Variants in ARHGAP10 observed in about 807,000 individuals in gnomAD.
ARHGAP10 encodes the protein Rho GTPase activating protein 10.
In ARHGAP10, 87 loss-of-function variants were observed where a neutral mutation model predicts 108.6. That is an observed-to-expected ratio of 0.80 (90% CI 0.67 to 0.96). ARHGAP10 has a LOEUF of 0.96. ARHGAP10 is among the 40% of genes least tolerant of loss of function. The pLI is 0.00. For missense variants in ARHGAP10, 939 were observed against 954.5 expected (o/e 0.98, Z 0.21); for synonymous variants, 347 against 341.1 (o/e 1.02, Z -0.19).
At chr4:148,032,793 C>T (rs1195728596) in intron 19 of ARHGAP10, among the ~76,000 whole-genome samples, 1 of 151,970 alleles carries the variant, frequency 6.6e-6, no homozygotes, top group Non-Finnish European at 1.5e-5. Context: ...AGCCCGAAAG[C>T]CCACTGGTGT....
chr4:147,946,028 C>T (rs1315033272), intron 14 of ARHGAP10, among the ~76,000 whole-genome samples: 1 of 152,170 alleles, frequency 6.6e-6, no homozygotes, highest in Non-Finnish European at 1.5e-5. Context: ...GGCCCTTAGT[C>T]TAAGCCACTC....
At chr4:147,966,245 C>T (rs1473791122) in intron 17 of ARHGAP10, among the ~76,000 whole-genome samples, 1 of 152,212 alleles carries the variant, frequency 6.6e-6, no homozygotes, top group Non-Finnish European at 1.5e-5. Context: ...ATACAGTTGG[C>T]TCTTTGTGAG....
At chr4:147,915,823 G>C (rs971694978) in intron 13 of ARHGAP10, among the ~76,000 whole-genome samples, 3 of 152,196 alleles carry the variant, frequency 2.0e-5, no homozygotes, top group African/African-American at 7.2e-5. Flanking sequence ...GATGAGGACA[G>C]CTGGGGGCAC....
At chr4:147,793,699 G>A (rs1180263740) in intron 1 of ARHGAP10, among the ~76,000 whole-genome samples, 2 of 152,150 alleles carry the variant, frequency 1.3e-5, no homozygotes, top group African/African-American at 4.8e-5. Flanking sequence ...ACCAAGTCAG[G>A]GAGTTAACAT....
At chr4:148,030,845 G>A (rs1168342702) in intron 19 of ARHGAP10, among the ~76,000 whole-genome samples, 1 of 151,192 alleles carries the variant, frequency 6.6e-6, no homozygotes, top group Non-Finnish European at 1.5e-5. Context: ...GCAGTACAGG[G>A]TCACCTTTAG....
intron 15 of ARHGAP10, among the ~76,000 whole-genome samples, chr4:147,952,991 C>T (rs554804734): frequency 4.6e-5 from 7 of 151,994 alleles, no homozygotes; most frequent in Non-Finnish European, 8.8e-5. Context: ...AGTTCTAGTA[C>T]GATTTGTAGG....
intron 1 of ARHGAP10, among the ~76,000 whole-genome samples, chr4:147,816,485 G>T (rs972909812): frequency 6.6e-6 from 1 of 152,156 alleles, no homozygotes; most frequent in Non-Finnish European, 1.5e-5. Context: ...TCTGTGATAA[G>T]AATTCATTAC....
chr4:147,911,283 C>T (rs1367153467), intron 12 of ARHGAP10, among the ~76,000 whole-genome samples: 1 of 152,116 alleles, frequency 6.6e-6, no homozygotes, highest in East Asian at 1.9e-4. Flanking sequence ...GTTCTTGTAA[C>T]CCTTCTGAGA....
chr4:147,834,339 C>T (rs1056797950), intron 3 of ARHGAP10, among the ~76,000 whole-genome samples: 24 of 151,826 alleles, frequency 1.6e-4, no homozygotes, highest in African/African-American at 4.8e-4. Flanking sequence ...GGTGGTGGCA[C>T]GCATCTGTAG....
chr4:147,989,120 A>T (rs1391436989), intron 18 of ARHGAP10, among the ~76,000 whole-genome samples: 4 of 152,358 alleles, frequency 2.6e-5, no homozygotes, highest in African/African-American at 9.6e-5. Context: ...GACATCACAC[A>T]TTGGTAGGAT....
chr4:147,829,678 C>G (rs1732869765), intron 3 of ARHGAP10, among the ~76,000 whole-genome samples: 1 of 152,148 alleles, frequency 6.6e-6, no homozygotes, highest in Non-Finnish European at 1.5e-5. Flanking sequence ...GAGATGTTCT[C>G]TCTGGCATGG....
intron 18 of ARHGAP10, among the ~76,000 whole-genome samples, chr4:147,985,437 C>G (rs1158001688): frequency 6.6e-6 from 1 of 152,312 alleles, no homozygotes; most frequent in Non-Finnish European, 1.5e-5. Flanking sequence ...AGTTCCAGGC[C>G]ACCAAGCTGG....
chr4:147,797,057 T>C (rs1189527810), intron 1 of ARHGAP10, among the ~76,000 whole-genome samples: 1 of 152,188 alleles, frequency 6.6e-6, no homozygotes, highest in Non-Finnish European at 1.5e-5. Context: ...ATAATCTTTG[T>C]GTTTGAAGCA....
At chr4:148,033,647 A>C (rs113592691) in intron 19 of ARHGAP10, among the ~76,000 whole-genome samples, 142 of 152,298 alleles carry the variant, frequency 9.3e-4, no homozygotes, top group African/African-American at 2.3e-3. Flanking sequence ...TTAGTTTACA[A>C]ATGTTTCAGC....
In ARHGAP10 at chr4:147,879,357, A is replaced by G. The variant is rs1456480092; in HGVS notation, c.939+19A>G. The G allele has an allele frequency of 1.3e-6, 2 of 1,598,774 alleles. No homozygotes were observed. The highest frequency in any genetic ancestry group is 1.7e-5 in the Admixed American group (1 of 59,016). On this transcript the variant is annotated intron_variant, in intron 9 of 22. Coordinates refer to ENST00000336498, the MANE Select transcript of ARHGAP10 (RefSeq NM_024605.4). Reference sequence around the variant, plus strand: ...GAAACTTGTAAGTATTTGATTCAACATAGAATAGATTATAATCTGTCAGAG... The same window carrying G: ...GAAACTTGTAAGTATTTGATTCAACGTAGAATAGATTATAATCTGTCAGAG...
At chr4:147,956,410 T>A (rs1738786567) in intron 16 of ARHGAP10, among the ~76,000 whole-genome samples, 1 of 152,106 alleles carries the variant, frequency 6.6e-6, no homozygotes, top group Non-Finnish European at 1.5e-5. Context: ...CCCATTAGAC[T>A]CTACATATAA....
intron 1 of ARHGAP10, among the ~76,000 whole-genome samples, chr4:147,812,139 G>A (rs543387368): frequency 3.9e-5 from 6 of 152,272 alleles, no homozygotes; most frequent in East Asian, 1.9e-4. Flanking sequence ...ACTAACTCTC[G>A]AGGACTTGGA....
rs1456089166 is a variant in ARHGAP10, at chr4:147,800,414, C to T, written c.155-22313C>T. On this transcript the variant is annotated intron_variant, in intron 1 of 22. Transcript: ENST00000336498. Reference sequence around the variant, plus strand: ...CACTTGTGGCTGGGGAGTCTTGTGTCTGCCCTATTGCATATGTCGAGGCTC... The same window carrying T: ...CACTTGTGGCTGGGGAGTCTTGTGTTTGCCCTATTGCATATGTCGAGGCTC... 2.6e-5 allele frequency among the ~76,000 whole-genome samples: 4 copies of T among 152,180 alleles called. No homozygotes were observed. In the East Asian group the frequency reaches 7.7e-4, roughly 29 times the overall value.
chr4:147,865,032 T>C, intron 6 of ARHGAP10, 76 bp downstream of exon 6: 1 of 1,298,126 alleles, frequency 7.7e-7, no homozygotes, highest in Non-Finnish European at 1.1e-6. Context: ...ATCTGATTTA[T>C]GGTTTATAGT....
Sources: gnomAD v4.1 joint callset for allele counts (sites outside exome capture counted in the v4.1 genomes callset) on GRCh38, gnomAD v4.1.1 for gene constraint, MANE v1.5 for transcripts, NCBI Gene and HGNC (gene_info 2026-07-23, HGNC 2026-07-21) for gene names.